GRIP1: variants seen among roughly 807,000 people sequenced by gnomAD.
GRIP1 encodes glutamate receptor interacting protein 1.
Under a neutral mutation model 129.9 loss-of-function variants are expected in GRIP1, and 45 were observed. That is an observed-to-expected ratio of 0.35 (90% CI 0.27 to 0.44). GRIP1 has a LOEUF of 0.44. Among genes scored for constraint, GRIP1 ranks in the 20% least tolerant of loss-of-function variants. The probability of loss-of-function intolerance (pLI) is 1.00; values close to 1 mark genes in which losing one functional copy is unlikely to be tolerated. For synonymous variants in GRIP1, 530 were observed against 520.8 expected, an observed-to-expected ratio of 1.02 and a Z score of -0.24; for missense variants, 1,196 against 1,396.8, an observed-to-expected ratio of 0.86 and a Z score of 2.29.
intron 1 of GRIP1, among the ~76,000 whole-genome samples, chr12:67,048,483 T>C (rs551443133): frequency 4.3e-4 from 66 of 152,246 alleles, no homozygotes; most frequent in African/African-American, 1.6e-3. Context: ...TTTTTAAAGA[T>C]GAAGTACTGC....
chr12:66,621,729 TAC>T (rs921930012), intron 1 of GRIP1, among the ~76,000 whole-genome samples: 1 of 152,146 alleles, frequency 6.6e-6, no homozygotes, highest in African/African-American at 2.4e-5. Flanking sequence ...GCAAAAGGGT[TAC>T]AGTTTCTCCA....
intron 1 of GRIP1, among the ~76,000 whole-genome samples, chr12:66,812,492 A>G (rs1477781894): frequency 2.0e-5 from 3 of 152,200 alleles, no homozygotes; most frequent in Admixed American, 6.5e-5. Flanking sequence ...TTGTTCATTT[A>G]TTTACTCAAT....
At chr12:66,491,849 T>C (rs1204517632) in intron 7 of GRIP1, among the ~76,000 whole-genome samples, 1 of 152,212 alleles carries the variant, frequency 6.6e-6, no homozygotes, top group Non-Finnish European at 1.5e-5. Flanking sequence ...ATTTAGTATA[T>C]TACACATGGT....
intron 1 of GRIP1, among the ~76,000 whole-genome samples, chr12:66,688,863 A>G (rs1473296701): frequency 6.6e-6 from 1 of 152,136 alleles, no homozygotes; most frequent in African/African-American, 2.4e-5. Context: ...CTCTATAAAA[A>G]TGGGCGCCGT....
At chr12:66,748,008 A>AGT (rs372210753) in intron 1 of GRIP1, among the ~76,000 whole-genome samples, 362 of 150,982 alleles carry the variant, frequency 2.4e-3, no homozygotes, top group African/African-American at 6.0e-3. Flanking sequence ...GTTTATTGTC[A>AGT]GTGTGTGTGT....
chr12:66,781,995 G>C (rs2038176666), intron 1 of GRIP1, among the ~76,000 whole-genome samples: 1 of 152,156 alleles, frequency 6.6e-6, no homozygotes, highest in Admixed American at 6.5e-5. Flanking sequence ...ACATGCAAAA[G>C]TAATCTATAA....
intron 1 of GRIP1, among the ~76,000 whole-genome samples, chr12:66,632,680 G>T (rs763618916): frequency 2.0e-5 from 3 of 152,058 alleles, no homozygotes; most frequent in Non-Finnish European, 4.4e-5. Flanking sequence ...TCTCTTTGGG[G>T]TCATAAACTC....
chr12:66,843,310 A>T (rs1921006), intron 1 of GRIP1, among the ~76,000 whole-genome samples: 1 of 151,966 alleles, frequency 6.6e-6, no homozygotes, highest in Non-Finnish European at 1.5e-5. Context: ...CAAATAAATG[A>T]CAAGGTATCT....
chr12:66,502,770 T>C (rs891773248), intron 7 of GRIP1, among the ~76,000 whole-genome samples: 8 of 152,178 alleles, frequency 5.3e-5, no homozygotes, highest in Admixed American at 1.3e-4. Context: ...ACCATGCTTG[T>C]ACAGCCTGCA....
chr12:66,439,427 C>G (rs940838790), intron 13 of GRIP1, among the ~76,000 whole-genome samples: 1 of 152,162 alleles, frequency 6.6e-6, no homozygotes, highest in African/African-American at 2.4e-5. Flanking sequence ...CTGAAGATCT[C>G]TAGTTCCTTA....
intron 16 of GRIP1, among the ~76,000 whole-genome samples, chr12:66,399,811 A>C (rs1462260857): frequency 1.3e-5 from 2 of 151,940 alleles, no homozygotes; most frequent in Non-Finnish European, 2.9e-5. Context: ...TGTGCAGGTC[A>C]GTCAAAGTTC....
chr12:66,539,718 C>T (rs897732795), intron 3 of GRIP1, among the ~76,000 whole-genome samples: 1 of 151,910 alleles, frequency 6.6e-6, no homozygotes. Context: ...GGAGTTTGTC[C>T]AGGACTAAGG....
intron 1 of GRIP1, chr12:66,804,034 G>A (rs1390231606): frequency 9.0e-6 from 4 of 443,274 alleles, no homozygotes; most frequent in Non-Finnish European, 1.8e-5. Flanking sequence ...GGAACCGGAG[G>A]ATGGAGAGAA....
intron 23 of GRIP1, among the ~76,000 whole-genome samples, chr12:66,368,364 G>A (rs566931869): frequency 7.2e-5 from 11 of 152,264 alleles, no homozygotes; most frequent in East Asian, 3.9e-4. Flanking sequence ...ATGAACAGGC[G>A]CACCACTTGT....
At chr12:66,948,930 C>A (rs1204491656) in intron 1 of GRIP1, among the ~76,000 whole-genome samples, 1 of 152,110 alleles carries the variant, frequency 6.6e-6, no homozygotes, top group Middle Eastern at 3.4e-3. Context: ...CATTTTAAAC[C>A]AATGTTAGAG....
chr12:66,471,187 C>G (rs2059429975), intron 7 of GRIP1, among the ~76,000 whole-genome samples: 1 of 152,144 alleles, frequency 6.6e-6, no homozygotes, highest in Admixed American at 6.5e-5. Flanking sequence ...CTCTACTCAT[C>G]TTTACACAAA....
intron 1 of GRIP1, among the ~76,000 whole-genome samples, chr12:66,820,163 C>T (rs190178194): frequency 6.6e-6 from 1 of 152,190 alleles, no homozygotes; most frequent in East Asian, 1.9e-4. Flanking sequence ...GTAATCCCAG[C>T]ACTTTGGAAG....
At chr12:66,464,323 A>G (rs7133866) in intron 8 of GRIP1, among the ~76,000 whole-genome samples, 40,977 of 151,842 alleles carry the variant, frequency 0.27, 6,498 homozygotes, top group African/African-American at 0.44. Context: ...TTCCCCTTTT[A>G]CCTTACGAGT....
At chr12:66,656,695 GGTGTTTA>G (rs1292796091) in intron 1 of GRIP1, among the ~76,000 whole-genome samples, 1 of 152,164 alleles carries the variant, frequency 6.6e-6, no homozygotes, top group Non-Finnish European at 1.5e-5. Flanking sequence ...TGTATCCTTA[GGTGTTTA>G]ATATGCAAAC....
Sources: gnomAD v4.1 joint callset for allele counts (sites outside exome capture counted in the v4.1 genomes callset) on GRCh38, gnomAD v4.1.1 for gene constraint, MANE v1.5 for transcripts, NCBI Gene and HGNC (gene_info 2026-07-23, HGNC 2026-07-21) for gene names.